The following RORA variants were observed in gnomAD, a reference collection of about 807,000 sequenced individuals.
RORA encodes the protein RAR related orphan receptor A.
Under a neutral mutation model 69.5 loss-of-function variants are expected in RORA, and 7 were observed. That is an observed-to-expected ratio of 0.10 (90% CI 0.06 to 0.19). The LOEUF (loss-of-function observed/expected upper bound fraction) is 0.19. Among genes scored for constraint, RORA ranks in the 10% least tolerant of loss-of-function variants. The pLI is 1.00. For synonymous variants in RORA, 261 were observed against 240.8 expected (o/e 1.08, Z -0.78); for missense variants, 457 against 663.0 (o/e 0.69, Z 3.41).
chr15:60,648,928 A>G (rs1289217939), intron 2 of RORA, among the ~76,000 whole-genome samples: 3 of 152,166 alleles, frequency 2.0e-5, no homozygotes, highest in Admixed American at 6.6e-5. Context: ...TCCACATATT[A>G]AAGGAGTTTA....
At chr15:60,768,909 A>G (rs997538537) in intron 1 of RORA, among the ~76,000 whole-genome samples, 20 of 152,200 alleles carry the variant, frequency 1.3e-4, no homozygotes, top group Admixed American at 6.5e-4. Context: ...GGGAGTTTCA[A>G]TCGGCATTAT....
chr15:60,760,703 A>C (rs1348374833), intron 1 of RORA, among the ~76,000 whole-genome samples: 1 of 152,220 alleles, frequency 6.6e-6, no homozygotes, highest in Non-Finnish European at 1.5e-5. Context: ...ATTCCTGGTT[A>C]TCAGCTAAGG....
At chr15:60,945,726 C>A (rs1162274176) in intron 1 of RORA, among the ~76,000 whole-genome samples, 1 of 152,218 alleles carries the variant, frequency 6.6e-6, no homozygotes, top group Non-Finnish European at 1.5e-5. Flanking sequence ...AAACCCAAGG[C>A]AACTCACAAT....
At position 60,561,118 on chromosome 15, in the gene RORA, G is replaced by A. The variant is rs567013777; in HGVS notation, c.197-29267C>T. Among the ~76,000 whole-genome samples the A allele has an allele frequency of 4.6e-5, 6 of 129,592 alleles. No individual in the cohort carries two copies. In the South Asian group the frequency reaches 9.2e-4, roughly 20 times the overall value. The allele number at this position is 129,592 out of a possible 152,430, so 85.0% of individuals were successfully genotyped here. A position where few individuals can be genotyped will look rare whatever the true frequency, so the allele number is the denominator to read the frequency against. On this transcript the variant is annotated intron_variant, in intron 2 of 10. Transcript: ENST00000335670. ...TGTTTTTGAGACGGAGTCTCGCTCT[G>A]TCGCCCAGGCTGGAGTGCAGTGGCG...
chr15:61,102,253 C>T (rs1410818129), intron 1 of RORA, among the ~76,000 whole-genome samples: 1 of 152,150 alleles, frequency 6.6e-6, no homozygotes, highest in Non-Finnish European at 1.5e-5. Context: ...GAAGCCCCCC[C>T]TCAACCCGAC....
intron 1 of RORA, among the ~76,000 whole-genome samples, chr15:61,110,014 G>A (rs1566993307): frequency 6.6e-6 from 1 of 150,866 alleles, no homozygotes; most frequent in Non-Finnish European, 1.5e-5. Flanking sequence ...TAGTGATGTA[G>A]CCATCAAAAT....
intron 1 of RORA, among the ~76,000 whole-genome samples, chr15:60,865,993 C>A (rs768953681): frequency 7.3e-6 from 1 of 137,916 alleles, no homozygotes; most frequent in African/African-American, 2.7e-5. Flanking sequence ...TACAAACATA[C>A]AATATATAGT....
At chr15:60,697,535 A>G (rs896308322) in intron 1 of RORA, among the ~76,000 whole-genome samples, 11 of 151,642 alleles carry the variant, frequency 7.3e-5, no homozygotes, top group African/African-American at 2.7e-4. Context: ...CTGCAGAGTC[A>G]TCTACATTTG....
chr15:60,851,575 A>T (rs566666221), intron 1 of RORA, among the ~76,000 whole-genome samples: 34 of 152,156 alleles, frequency 2.2e-4, no homozygotes, highest in Non-Finnish European at 4.4e-4. Context: ...CTGAAAATAA[A>T]AAGCAATTTT....
chr15:60,879,290 GT>G lies in RORA; in HGVS notation c.167-200605del, dbSNP rs371394934. Among the ~76,000 whole-genome samples the G allele has an allele frequency of 2.8e-3, 413 of 149,906 alleles. 3 individuals carry two copies. The highest frequency in any genetic ancestry group is 9.1e-3 in the African/African-American group (372 of 40,944). ...TTGCTAACCAGGTGGCCTTGGAGAAGTTTTTTTTTTCTTTTTTTAACCTTTC... is the reference window on the plus strand; with the variant it reads ...TTGCTAACCAGGTGGCCTTGGAGAAGTTTTTTTTTCTTTTTTTAACCTTTC... On this transcript the variant is annotated intron_variant, in intron 1 of 10. Transcript: ENST00000335670.
At chr15:60,893,940 TC>T (rs956114461) in intron 1 of RORA, among the ~76,000 whole-genome samples, 9 of 152,210 alleles carry the variant, frequency 5.9e-5, no homozygotes, top group Admixed American at 2.0e-4. Context: ...ACCTCTCAAG[TC>T]CCCCGTCTGG....
chr15:61,209,560 T>C (rs1415899029), intron 1 of RORA, among the ~76,000 whole-genome samples: 1 of 152,234 alleles, frequency 6.6e-6, no homozygotes, highest in Non-Finnish European at 1.5e-5. Context: ...ATTTACATGT[T>C]AAAGCGCTAA....
At chr15:60,544,496 G>A in intron 2 of RORA, among the ~76,000 whole-genome samples, 1 of 151,186 alleles carries the variant, frequency 6.6e-6, no homozygotes, top group East Asian at 1.9e-4. Flanking sequence ...TTGTTGTTGT[G>A]CTTAATGTTA....
At position 60,689,489 on chromosome 15, in the gene RORA, T is replaced by G. The variant is rs1273886049; in HGVS notation, c.167-10803A>C. ...CTTTTTCCATTTGTCTTTTTTTAAA[T>G]TTTAGTTTTAAAAAGGTTGTAACGG... On this transcript the variant is annotated intron_variant, in intron 1 of 10. Transcript: ENST00000335670. 2.0e-5 allele frequency among the ~76,000 whole-genome samples: 3 copies of G among 152,160 alleles called. No individual in the cohort carries two copies. In the East Asian group the frequency reaches 5.8e-4, roughly 29 times the overall value.
intron 1 of RORA, among the ~76,000 whole-genome samples, chr15:60,992,319 GT>G (rs1283351454): frequency 6.6e-6 from 1 of 152,166 alleles, no homozygotes. Flanking sequence ...CTATGATGAA[GT>G]TAACCTAAGA....
intron 1 of RORA, among the ~76,000 whole-genome samples, chr15:61,130,132 T>C (rs2140840675): frequency 6.6e-6 from 1 of 152,298 alleles, no homozygotes; most frequent in South Asian, 2.1e-4. Flanking sequence ...GGGTCATGAG[T>C]GCCTAATGAA....
intron 1 of RORA, among the ~76,000 whole-genome samples, chr15:61,105,066 C>G (rs914852030): frequency 6.8e-6 from 1 of 147,642 alleles, no homozygotes; most frequent in South Asian, 2.2e-4. Context: ...ATTACCCAGT[C>G]TTGGGTATGT....
At chr15:60,927,156 C>G (rs1033618000) in intron 1 of RORA, among the ~76,000 whole-genome samples, 1 of 152,204 alleles carries the variant, frequency 6.6e-6, no homozygotes, top group African/African-American at 2.4e-5. Flanking sequence ...ACACATCCTT[C>G]CCACCTCTCT....
intron 1 of RORA, among the ~76,000 whole-genome samples, chr15:61,045,591 G>T (rs1896979751): frequency 6.6e-6 from 1 of 152,114 alleles, no homozygotes; most frequent in African/African-American, 2.4e-5. Context: ...ATCACAAGGT[G>T]CCCAGATCAT....
Sources: gnomAD v4.1 joint callset for allele counts (sites outside exome capture counted in the v4.1 genomes callset) on GRCh38, gnomAD v4.1.1 for gene constraint, MANE v1.5 for transcripts, NCBI Gene and HGNC (gene_info 2026-07-23, HGNC 2026-07-21) for gene names.